The following DCC variants were observed in gnomAD, a reference collection of about 807,000 sequenced individuals.
The protein encoded by DCC is netrin receptor DCC.
In DCC, 58 loss-of-function variants were observed where a neutral mutation model predicts 172.5. The ratio of observed to expected loss-of-function variants is 0.34; its 90% CI spans 0.27 to 0.42. The LOEUF (loss-of-function observed/expected upper bound fraction) is 0.42. DCC is among the 10% of genes least tolerant of loss of function. The pLI is 1.00. For synonymous variants in DCC, 709 were observed against 644.5 expected (o/e 1.10, Z -1.52); for missense variants, 1,740 against 1,791.0 (o/e 0.97, Z 0.51).
In DCC at chr18:52,671,785, C is replaced by T. The variant is rs187564570; in HGVS notation, c.92-80269C>T. 6.6e-5 allele frequency among the ~76,000 whole-genome samples: 10 copies of T among 152,168 alleles called. No individual in the cohort carries two copies. The East Asian group carries it at 1.9e-3, about 29-fold the overall frequency. On this transcript the variant is annotated intron_variant, in intron 1 of 28. Transcript: ENST00000442544. ...TCCTGACCTCAAGTGATCTGCCTATCTCAGTCACCCAAATTTCCAGGATTA... is the reference window on the plus strand; with the variant it reads ...TCCTGACCTCAAGTGATCTGCCTATTTCAGTCACCCAAATTTCCAGGATTA...
intron 26 of DCC, among the ~76,000 whole-genome samples, chr18:53,495,049 CTTTCACTT>C (rs2046003242): frequency 6.6e-6 from 1 of 152,120 alleles, no homozygotes; most frequent in African/African-American, 2.4e-5. Context: ...TTTTATTTCT[CTTTCACTT>C]ACAAAGCTTA....
At chr18:52,853,949 G>T (rs968129249) in intron 2 of DCC, among the ~76,000 whole-genome samples, 1 of 152,160 alleles carries the variant, frequency 6.6e-6, no homozygotes, top group Non-Finnish European at 1.5e-5. Context: ...TACCAGCAAA[G>T]AATTTTGGTC....
At chr18:52,764,511 A>C (rs2145154071) in intron 2 of DCC, among the ~76,000 whole-genome samples, 1 of 152,328 alleles carries the variant, frequency 6.6e-6, no homozygotes, top group African/African-American at 2.4e-5. Flanking sequence ...TTGCTTTATT[A>C]GTTCCCAGGA....
chr18:52,355,636 C>T (rs747933828), intron 1 of DCC, among the ~76,000 whole-genome samples: 3 of 152,074 alleles, frequency 2.0e-5, no homozygotes, highest in South Asian at 2.1e-4. Flanking sequence ...TATTTGTTAG[C>T]GCCTGTGGTG....
intron 1 of DCC, among the ~76,000 whole-genome samples, chr18:52,613,886 C>G (rs1047481170): frequency 2.6e-5 from 4 of 152,172 alleles, no homozygotes; most frequent in African/African-American, 9.7e-5. Context: ...ATTTCCTCAT[C>G]ATGCTGCTTT....
chr18:52,626,242 CAGGTGCCATATAGATGGA>C (rs1381301038), intron 1 of DCC, among the ~76,000 whole-genome samples: 1 of 152,152 alleles, frequency 6.6e-6, no homozygotes, highest in Non-Finnish European at 1.5e-5. Context: ...TTTCTTCCTC[CAGGTGCCATATAGATGGA>C]AAACCATAAA....
At chr18:52,914,579 A>T (rs755107605) in intron 3 of DCC, among the ~76,000 whole-genome samples, 10 of 152,078 alleles carry the variant, frequency 6.6e-5, no homozygotes, top group Admixed American at 1.3e-4. Flanking sequence ...GGAAGTTTTC[A>T]TTTTTTTATT....
At chr18:52,464,961 T>C (rs968452163) in intron 1 of DCC, among the ~76,000 whole-genome samples, 23 of 152,048 alleles carry the variant, frequency 1.5e-4, no homozygotes, top group Admixed American at 9.2e-4. Context: ...AGGTAGTTTT[T>C]CAAAAGAGGC....
intron 1 of DCC, among the ~76,000 whole-genome samples, chr18:52,594,491 A>G (rs2033867262): frequency 6.6e-6 from 1 of 152,138 alleles, no homozygotes; most frequent in Admixed American, 6.5e-5. Flanking sequence ...CTGAAACCTC[A>G]TTGTTCCATT....
intron 1 of DCC, among the ~76,000 whole-genome samples, chr18:52,463,455 A>T (rs1988692600): frequency 6.6e-6 from 1 of 152,200 alleles, no homozygotes; most frequent in African/African-American, 2.4e-5. Flanking sequence ...GTATGTATTA[A>T]GCACATACTA....
intron 1 of DCC, among the ~76,000 whole-genome samples, chr18:52,439,939 G>C (rs118024030): frequency 0.036 from 5,514 of 152,222 alleles, 171 homozygotes; most frequent in South Asian, 0.12. Flanking sequence ...AAAGGTATAA[G>C]GAAATAAACG....
At chr18:53,340,034 G>T in intron 15 of DCC, 127 bp downstream of exon 15, 2 of 689,722 alleles carry the variant, frequency 2.9e-6, no homozygotes, top group Non-Finnish European at 5.0e-6. Context: ...AGCTCTGAAA[G>T]CAACTGTCTA....
At chr18:52,859,810 A>C (rs565919034) in intron 2 of DCC, among the ~76,000 whole-genome samples, 1 of 152,292 alleles carries the variant, frequency 6.6e-6, no homozygotes, top group Admixed American at 6.5e-5. Flanking sequence ...GGTTTATTTC[A>C]GTTCCTACTT....
intron 5 of DCC, among the ~76,000 whole-genome samples, chr18:53,030,515 T>A (rs549392534): frequency 2.2e-4 from 34 of 152,066 alleles, no homozygotes; most frequent in Non-Finnish European, 4.9e-4. Flanking sequence ...GCTGGAAATA[T>A]GTTCACTACT....
chr18:53,211,827 C>T (rs140914988), intron 11 of DCC, among the ~76,000 whole-genome samples: 3 of 152,082 alleles, frequency 2.0e-5, no homozygotes, highest in Non-Finnish European at 4.4e-5. Flanking sequence ...GTGGGTAGAT[C>T]ACTTGAGGCC....
intron 9 of DCC, among the ~76,000 whole-genome samples, chr18:53,194,369 T>C (rs2055412334): frequency 6.6e-6 from 1 of 152,174 alleles, no homozygotes; most frequent in Non-Finnish European, 1.5e-5. Context: ...GCTCCATTTA[T>C]ATCGGTGATG....
At chr18:52,566,413 A>C (rs888469828) in intron 1 of DCC, among the ~76,000 whole-genome samples, 1 of 152,052 alleles carries the variant, frequency 6.6e-6, no homozygotes, top group Non-Finnish European at 1.5e-5. Context: ...GAAATACCTA[A>C]TGTAGATGAG....
chr18:52,977,361 G>C (rs1239248849), intron 5 of DCC, among the ~76,000 whole-genome samples: 4 of 152,134 alleles, frequency 2.6e-5, no homozygotes, highest in Non-Finnish European at 5.9e-5. Flanking sequence ...TATTTGGTCT[G>C]TGACATGTCC....
chr18:52,893,514 G>T (rs531308278), intron 2 of DCC, among the ~76,000 whole-genome samples: 1 of 152,112 alleles, frequency 6.6e-6, no homozygotes, highest in East Asian at 1.9e-4. Flanking sequence ...TTGTTTCAAT[G>T]ACCTTTGAAA....
Sources: allele counts gnomAD v4.1 joint callset (sites outside exome capture counted in the v4.1 genomes callset), GRCh38; gene constraint gnomAD v4.1.1; transcripts MANE v1.5; gene names NCBI Gene and HGNC (gene_info 2026-07-23, HGNC 2026-07-21).